Variants in ARID1B observed in about 807,000 individuals in gnomAD.
The protein encoded by ARID1B is AT-rich interactive domain-containing protein 1B.
ARID1B carries 30 observed loss-of-function variants against 212.3 expected under a neutral mutation model. The ratio of observed to expected loss-of-function variants is 0.14; its 90% confidence interval spans 0.11 to 0.19. The LOEUF (loss-of-function observed/expected upper bound fraction) is 0.19, where lower values mean the gene tolerates loss of function less well. Ranked by LOEUF, ARID1B falls within the 10% of genes least tolerant of loss-of-function variation. The pLI, the probability that ARID1B is intolerant of heterozygous loss-of-function variation, is 1.00. For synonymous variants in ARID1B, 1,402 were observed against 1,301.7 expected (o/e 1.08, Z -1.66); for missense variants, 2,891 against 3,204.0 (o/e 0.90, Z 2.36).
chr6:156,897,757 A>G (rs976780303), intron 2 of ARID1B, among the ~76,000 whole-genome samples: 2 of 152,084 alleles, frequency 1.3e-5, no homozygotes, highest in Admixed American at 6.5e-5. Context: ...TTGGCCAAGG[A>G]CACCGTGCTG....
At chr6:157,017,655 G>T (rs555418484) in intron 4 of ARID1B, among the ~76,000 whole-genome samples, 2 of 152,112 alleles carry the variant, frequency 1.3e-5, no homozygotes, top group South Asian at 4.2e-4. Flanking sequence ...CCTTTTTAGG[G>T]GTCTTTCCTG....
At chr6:156,971,934 A>G (rs752028081) in intron 4 of ARID1B, among the ~76,000 whole-genome samples, 2 of 152,030 alleles carry the variant, frequency 1.3e-5, no homozygotes, top group Admixed American at 6.5e-5. Flanking sequence ...ATCCCAACAC[A>G]TTTACGGGTC....
In ARID1B at chr6:157,207,322, G is replaced by A. The variant is rs2128397545; in HGVS notation, c.6550G>A (p.Ala2184Thr). The A allele has an allele frequency of 6.2e-7, 1 of 1,614,054 alleles. No individual in the cohort carries two copies. Among genetic ancestry groups the A allele is most frequent in the Non-Finnish European group, 8.5e-7 (1 of 1,179,916 alleles). ...GCTGCACTGGATGGTGTGCCCGTCT[G>A]CAGAGGCACAAGATCCCTTTCCAAC... Reference protein sequence around the residue: ...GLLHWMVCPSAEAQDPFPTVG... With the variant: ...GLLHWMVCPSTEAQDPFPTVG... The change falls in exon 20 of 20, where the codon GCA becomes ACA. Residue 2184 changes from alanine (A) to threonine (T), a missense_variant. By Grantham distance (58) the Ala-to-Thr change is moderately conservative (BLOSUM62 0). Transcript: ENST00000636930. This position sits in a 1 kb window ranked among gnomAD's most constrained non-coding sequence, Gnocchi z 8.5.
chr6:157,055,345 TG>T (rs1782884995), intron 4 of ARID1B, among the ~76,000 whole-genome samples: 1 of 152,256 alleles, frequency 6.6e-6, no homozygotes, highest in African/African-American at 2.4e-5. Context: ...AATCTTTTTT[TG>T]TTTCTGTCTT....
intron 2 of ARID1B, among the ~76,000 whole-genome samples, chr6:156,878,663 C>G (rs565939871): frequency 6.6e-6 from 1 of 152,188 alleles, no homozygotes; most frequent in African/African-American, 2.4e-5. Context: ...TTTGGCCTTT[C>G]CAGCCTCTCT....
intron 4 of ARID1B, among the ~76,000 whole-genome samples, chr6:156,996,222 G>C (rs777256733): frequency 2.6e-5 from 4 of 152,194 alleles, no homozygotes; most frequent in Non-Finnish European, 5.9e-5. Flanking sequence ...TCTCTCTGCA[G>C]GTGTTCGCAA....
At chr6:157,132,323 GC>G (rs1354888390) in intron 6 of ARID1B, among the ~76,000 whole-genome samples, 1 of 152,210 alleles carries the variant, frequency 6.6e-6, no homozygotes, top group Non-Finnish European at 1.5e-5. Context: ...TGGAGGAGTG[GC>G]AGTACCAGTT....
At chr6:156,776,032 C>A (rs1778606624), upstream of ARID1B, among the ~76,000 whole-genome samples, 1 of 150,068 alleles carries the variant, frequency 6.7e-6, no homozygotes, top group South Asian at 2.1e-4. Context: ...CTTGGTCAAA[C>A]AAATAACCAC....
At position 157,189,674 on chromosome 6, in the gene ARID1B, C is replaced by A. The variant is rs752639283; in HGVS notation, c.3952C>A (p.Pro1318Thr). ...NSGSLQGPQT[P>T]QSTGSNSMAE... is the part of the protein sequence containing the mutation. The stretch of plus-strand genomic sequence containing the variant: ...GGGATCCTTGCAAGGCCCACAGACC[C>A]CCCAGTCAACTGGCAGCAATTCCAT... Residue 1318 changes from proline (P) to threonine (T), a missense_variant, in exon 14 of 20, where the codon CCC becomes ACC. This residue lies in a region of ARID1B where 666 missense variants were observed against 873.5 expected (regional missense o/e 0.76). Coordinates refer to ENST00000636930, the MANE Select transcript of ARID1B (RefSeq NM_001374828.1). 3 of 1,613,796 alleles carry A rather than the reference C, an allele frequency of 1.9e-6. No homozygotes were observed. The highest frequency in any genetic ancestry group is 2.5e-6 in the Non-Finnish European group (3 of 1,179,982).
intron 7 of ARID1B, among the ~76,000 whole-genome samples, chr6:157,139,474 G>T (rs1180086662): frequency 2.6e-5 from 4 of 152,208 alleles, no homozygotes; most frequent in Non-Finnish European, 4.4e-5. Context: ...CCTGTGGTTA[G>T]CGGCAGCCGA....
chr6:156,962,570 C>T (rs758623189), intron 4 of ARID1B, among the ~76,000 whole-genome samples: 1 of 152,012 alleles, frequency 6.6e-6, no homozygotes, highest in Non-Finnish European at 1.5e-5. Flanking sequence ...CAGCTCACCG[C>T]TTCCCGGGCT....
chr6:156,902,452 A>G lies in ARID1B; in HGVS notation c.2136+927A>G, dbSNP rs555904596. On this transcript the variant is annotated intron_variant, in intron 3 of 19. Coordinates refer to ENST00000636930, the MANE Select transcript of ARID1B (RefSeq NM_001374828.1). ...TTGAATAGATCGTGGATATTAAGCA[A>G]AATAAATAAATTTACGGAGCTTAAT... is the stretch of plus-strand genomic sequence containing the variant. Among the ~76,000 whole-genome samples the G allele has an allele frequency of 5.3e-5, 8 of 152,338 alleles. No homozygotes were observed. The South Asian group carries it at 1.7e-3, about 32-fold the overall frequency.
At chr6:156,834,124 T>G (rs1783333608) in intron 2 of ARID1B, among the ~76,000 whole-genome samples, 1 of 152,222 alleles carries the variant, frequency 6.6e-6, no homozygotes, top group South Asian at 2.1e-4. Flanking sequence ...ATGAGAGCTC[T>G]GAAAAGTAAG....
chr6:157,012,565 A>C (rs17088018), intron 4 of ARID1B, among the ~76,000 whole-genome samples: 1 of 152,214 alleles, frequency 6.6e-6, no homozygotes, highest in African/African-American at 2.4e-5. Context: ...ACTCTAGCCA[A>C]CTGTAAATAG....
At chr6:156,848,782 T>C (rs1390568404) in intron 2 of ARID1B, among the ~76,000 whole-genome samples, 1 of 152,228 alleles carries the variant, frequency 6.6e-6, no homozygotes, top group Non-Finnish European at 1.5e-5. Flanking sequence ...CCGGGGGGCC[T>C]TCTCTGGCTT....
intron 11 of ARID1B, among the ~76,000 whole-genome samples, chr6:157,178,241 A>T (rs1209750623): frequency 6.6e-6 from 1 of 151,948 alleles, no homozygotes; most frequent in Non-Finnish European, 1.5e-5. Flanking sequence ...AGCGTTTCAC[A>T]CCCTTTTTGT....
intron 11 of ARID1B, among the ~76,000 whole-genome samples, chr6:157,179,748 G>A (rs1483691985): frequency 6.6e-6 from 1 of 152,172 alleles, no homozygotes; most frequent in South Asian, 2.1e-4. Flanking sequence ...AAGGGAAAGC[G>A]GCGGCCTCAC....
intron 5 of ARID1B, among the ~76,000 whole-genome samples, chr6:157,109,178 A>C (rs1323001632): frequency 6.6e-6 from 1 of 152,054 alleles, no homozygotes; most frequent in East Asian, 1.9e-4. Context: ...ATCTTGTAGA[A>C]CCACAAGAGG....
chr6:157,039,019 A>G (rs1260703301), intron 4 of ARID1B, among the ~76,000 whole-genome samples: 2 of 151,790 alleles, frequency 1.3e-5, no homozygotes, highest in African/African-American at 4.8e-5. Context: ...TGCTCCCGCC[A>G]GCCATGTGCC....
Sources: gnomAD v4.1 joint callset for allele counts (sites outside exome capture counted in the v4.1 genomes callset) on GRCh38, gnomAD v4.1.1 for gene constraint, gnomAD v4.1.1 regional missense constraint, Gnocchi (gnomAD v3.1) non-coding constraint, MANE v1.5 for transcripts, NCBI Gene and HGNC (gene_info 2026-07-23, HGNC 2026-07-21) for gene names.